The following LRRC8D variants were observed in gnomAD, a reference collection of about 807,000 sequenced individuals.
The protein encoded by LRRC8D is volume-regulated anion channel subunit LRRC8D.
In LRRC8D, 20 loss-of-function variants were observed where a neutral mutation model predicts 55.8. The ratio of observed to expected loss-of-function variants is 0.36; its 90% CI spans 0.25 to 0.52. LRRC8D has a LOEUF of 0.52. Ranked by LOEUF, LRRC8D falls within the 20% of genes least tolerant of loss-of-function variation. The pLI is 0.93. For synonymous variants in LRRC8D, 352 were observed against 377.0 expected, an observed-to-expected ratio of 0.93 and a Z score of 0.77; for missense variants, 651 against 1,030.8, an observed-to-expected ratio of 0.63 and a Z score of 5.05.
At chr1:89,884,606 A>G (rs1031374266) in intron 2 of LRRC8D, among the ~76,000 whole-genome samples, 3 of 152,208 alleles carry the variant, frequency 2.0e-5, no homozygotes, top group Non-Finnish European at 4.4e-5. Flanking sequence ...TTAGACAAAC[A>G]TGGGTTCAAA....
intron 2 of LRRC8D, among the ~76,000 whole-genome samples, chr1:89,895,264 C>T (rs1662678911): frequency 6.6e-6 from 1 of 152,088 alleles, no homozygotes; most frequent in Non-Finnish European, 1.5e-5. Context: ...TGTTAGATGA[C>T]CTTAAATTTG....
intron 2 of LRRC8D, among the ~76,000 whole-genome samples, chr1:89,929,449 A>C (rs142379151): frequency 2.6e-4 from 39 of 152,330 alleles, no homozygotes; most frequent in African/African-American, 8.9e-4. Flanking sequence ...GGCAAGATGG[A>C]AAAGGGATTA....
Position 89,935,312 on chromosome 1 carries a change from A to G in LRRC8D, c.2244A>G (p.Ile748Met). Residue 748 changes from isoleucine (I) to methionine (M), a missense_variant, in exon 3 of 3, where the codon ATA (isoleucine) becomes ATG (methionine). Physicochemically the swap from Ile to Met is conservative, Grantham distance 10. Coordinates refer to ENST00000337338, the MANE Select transcript of LRRC8D (RefSeq NM_001134479.2). The part of the protein sequence containing the change: ...YNNISMIPIE[I>M]GLLQNLQHLH... ...ACATTTCAATGATTCCAATAGAAAT[A>G]GGATTGCTTCAGAACCTGCAGCATT... 2 of 1,614,202 alleles carry G rather than the reference A, an allele frequency of 1.2e-6. No individual in the cohort carries two copies. Among genetic ancestry groups the G allele is most frequent in the African/African-American group, 1.3e-5 (1 of 75,082 alleles).
At position 89,877,227 on chromosome 1, in the gene LRRC8D, T is replaced by C. The variant is rs987497659; in HGVS notation, c.-3+33445T>C. On this transcript the variant is annotated intron_variant, in intron 2 of 2. Transcript: ENST00000337338. ...AACTTCAAACAGTTCTTTCTCTCTC[T>C]CTCTCTTTTTTTTTTTTTAAATTTG... 2.2e-4 allele frequency among the ~76,000 whole-genome samples: 33 copies of C among 148,756 alleles called. 1 individual carries two copies. Among genetic ancestry groups the C allele is most frequent in the Admixed American group, 8.0e-4 (12 of 15,058 alleles).
At chr1:89,891,751 T>G (rs981687985) in intron 2 of LRRC8D, among the ~76,000 whole-genome samples, 1 of 152,280 alleles carries the variant, frequency 6.6e-6, no homozygotes, top group Non-Finnish European at 1.5e-5. Context: ...GCTTTGTGCC[T>G]GGCACAGTGC....
At chr1:89,896,209 C>T (rs1167797313) in intron 2 of LRRC8D, among the ~76,000 whole-genome samples, 2 of 151,948 alleles carry the variant, frequency 1.3e-5, no homozygotes, top group African/African-American at 4.8e-5. Context: ...TTGAAGACTC[C>T]CTTGTGGGTG....
intron 2 of LRRC8D, among the ~76,000 whole-genome samples, chr1:89,852,800 C>A (rs1661453259): frequency 6.6e-6 from 1 of 152,122 alleles, no homozygotes; most frequent in Non-Finnish European, 1.5e-5. Context: ...AGGTTCAGAG[C>A]CCCAAAGGGC....
At chr1:89,845,857 C>T (rs1661261906) in intron 2 of LRRC8D, among the ~76,000 whole-genome samples, 2 of 152,052 alleles carry the variant, frequency 1.3e-5, no homozygotes, top group African/African-American at 2.4e-5. Context: ...TCTTGGCTTA[C>T]CACAACCTCC....
intron 1 of LRRC8D, among the ~76,000 whole-genome samples, chr1:89,841,798 A>G (rs566897189): frequency 3.9e-5 from 6 of 152,276 alleles, no homozygotes; most frequent in African/African-American, 1.4e-4. Flanking sequence ...TAAGGTGTGT[A>G]TTATTCAGGT....
At chr1:89,931,027 T>TA (rs1663693217) in intron 2 of LRRC8D, among the ~76,000 whole-genome samples, 1 of 145,300 alleles carries the variant, frequency 6.9e-6, no homozygotes, top group Non-Finnish European at 1.5e-5. Context: ...TTTTTTTTTT[T>TA]ACAAAGACTG....
At chr1:89,932,560 C>A (rs1430754746) in intron 2 of LRRC8D, among the ~76,000 whole-genome samples, 1 of 152,186 alleles carries the variant, frequency 6.6e-6, no homozygotes, top group Non-Finnish European at 1.5e-5. Context: ...AAGTTTTCAT[C>A]CCTATTATAC....
chr1:89,829,437 G>C (rs551434798), intron 1 of LRRC8D, among the ~76,000 whole-genome samples: 6 of 152,236 alleles, frequency 3.9e-5, no homozygotes, highest in African/African-American at 1.4e-4. Context: ...AAGTGGCGGA[G>C]GTGGAATTTG....
intron 2 of LRRC8D, among the ~76,000 whole-genome samples, chr1:89,932,769 G>A (rs1161577079): frequency 6.6e-6 from 1 of 152,110 alleles, no homozygotes; most frequent in Non-Finnish European, 1.5e-5. Flanking sequence ...CACAACAAAT[G>A]CCATCCTGCT....
intron 2 of LRRC8D, among the ~76,000 whole-genome samples, chr1:89,859,090 ATATCT>A (rs566054988): frequency 7.9e-4 from 120 of 152,284 alleles, no homozygotes; most frequent in African/African-American, 2.4e-3. Flanking sequence ...TTTTGGTGAG[ATATCT>A]TATAAGAAGT....
intron 2 of LRRC8D, among the ~76,000 whole-genome samples, chr1:89,897,538 A>G (rs186401862): frequency 1.9e-4 from 29 of 152,344 alleles, no homozygotes; most frequent in Admixed American, 5.2e-4. Context: ...AGCATGATAC[A>G]TATTGCACAA....
At chr1:89,875,102 A>G (rs1362486653) in intron 2 of LRRC8D, among the ~76,000 whole-genome samples, 3 of 152,242 alleles carry the variant, frequency 2.0e-5, no homozygotes, top group African/African-American at 7.2e-5. Flanking sequence ...AAAAACCTGT[A>G]TAAAGCTACA....
At chr1:89,853,393 A>G (rs1019824169) in intron 2 of LRRC8D, among the ~76,000 whole-genome samples, 9 of 152,172 alleles carry the variant, frequency 5.9e-5, no homozygotes, top group Admixed American at 4.6e-4. Context: ...GGAGACAATT[A>G]TTGAAGAGTG....
At chr1:89,839,455 T>G (rs6682601) in intron 1 of LRRC8D, among the ~76,000 whole-genome samples, 147,975 of 152,280 alleles carry the variant, frequency 0.97, 72,025 homozygotes, top group Middle Eastern at 1. Context: ...CTTCTTGCTT[T>G]CTCAAAATCA....
intron 2 of LRRC8D, among the ~76,000 whole-genome samples, chr1:89,874,850 A>C (rs1662110920): frequency 6.6e-6 from 1 of 152,220 alleles, no homozygotes; most frequent in Non-Finnish European, 1.5e-5. Flanking sequence ...GGCTGAATTG[A>C]TGAGTGAGAA....
Sources: gnomAD v4.1 joint callset for allele counts (sites outside exome capture counted in the v4.1 genomes callset) on GRCh38, gnomAD v4.1.1 for gene constraint, MANE v1.5 for transcripts, NCBI Gene and HGNC (gene_info 2026-07-23, HGNC 2026-07-21) for gene names.